Variants in AGFG1 observed in about 807,000 individuals in gnomAD.
The protein encoded by AGFG1 is arf-GAP domain and FG repeat-containing protein 1.
A neutral mutation model predicts 60.6 loss-of-function variants in AGFG1; 10 were observed. The ratio of observed to expected loss-of-function variants is 0.16; its 90% CI spans 0.10 to 0.28. The LOEUF is 0.28. Ranked by LOEUF, AGFG1 falls within the 10% of genes least tolerant of loss-of-function variation. The pLI, the probability that AGFG1 is intolerant of heterozygous loss-of-function variation, is 1.00. For missense variants in AGFG1, 537 were observed against 676.5 expected (o/e 0.79, Z 2.29); for synonymous variants, 247 against 242.9 (o/e 1.02, Z -0.16).
rs890176726 is a variant in AGFG1, at chr2:227,531,329, C to G, written c.814+119C>G. ...GTAATTATCTGACTTTAAAATGGTTCTATCTTCAAAAGCTCTGGGGAAACC... is the reference window on the plus strand; with the variant it reads ...GTAATTATCTGACTTTAAAATGGTTGTATCTTCAAAAGCTCTGGGGAAACC... On this transcript the variant is annotated intron_variant, in intron 6 of 12. Coordinates refer to ENST00000310078, the MANE Select transcript of AGFG1 (RefSeq NM_004504.5). 2.9e-5 allele frequency: 35 copies of G among 1,217,764 alleles called. No individual in the cohort carries two copies. The South Asian group carries it at 5.1e-4, about 18-fold the overall frequency. The allele number at this position is 1,217,764 out of a possible 1,614,324, so 75.4% of individuals were successfully genotyped here. A position where few individuals can be genotyped will look rare whatever the true frequency, so the allele number is the denominator to read the frequency against.
intron 2 of AGFG1, among the ~76,000 whole-genome samples, chr2:227,498,379 AAATT>A (rs929347977): frequency 3.3e-5 from 5 of 152,214 alleles, no homozygotes; most frequent in Admixed American, 1.3e-4. Flanking sequence ...TTAAACTACA[AAATT>A]AATTATTTGA....
At chr2:227,547,939 C>T (rs2106239747) in intron 10 of AGFG1, among the ~76,000 whole-genome samples, 1 of 152,316 alleles carries the variant, frequency 6.6e-6, no homozygotes, top group South Asian at 2.1e-4. Flanking sequence ...GTAGAAACAA[C>T]CCAAGTGCCC....
At chr2:227,541,560 G>A (rs1692492921) in intron 10 of AGFG1, among the ~76,000 whole-genome samples, 1 of 152,178 alleles carries the variant, frequency 6.6e-6, no homozygotes, top group Non-Finnish European at 1.5e-5. Flanking sequence ...CTATATATTT[G>A]TTTTGGTACC....
At chr2:227,549,783 ATTTG>A (rs1692767686) in intron 10 of AGFG1, among the ~76,000 whole-genome samples, 1 of 152,154 alleles carries the variant, frequency 6.6e-6, no homozygotes, top group Non-Finnish European at 1.5e-5. Context: ...GTTGATGCCT[ATTTG>A]TTTAAAAAAT....
chr2:227,536,854 T>C, intron 9 of AGFG1, 47 bp from the exon 10 acceptor site: 1 of 1,555,648 alleles, frequency 6.4e-7, no homozygotes, highest in Non-Finnish European at 8.8e-7. Flanking sequence ...AAATCTTAAA[T>C]ACAAAATGTA....
At chr2:227,541,130 C>T (rs2106231144) in intron 10 of AGFG1, among the ~76,000 whole-genome samples, 1 of 152,190 alleles carries the variant, frequency 6.6e-6, no homozygotes, top group Admixed American at 6.5e-5. Flanking sequence ...GAAATTTTCT[C>T]CCATTCTGTA....
intron 7 of AGFG1, among the ~76,000 whole-genome samples, chr2:227,534,047 C>G (rs1326208188): frequency 6.6e-6 from 1 of 151,932 alleles, no homozygotes; most frequent in Non-Finnish European, 1.5e-5. Context: ...TATAAAGAGC[C>G]AAGAAACCCC....
At chr2:227,474,921 A>G (rs6715882) in intron 1 of AGFG1, among the ~76,000 whole-genome samples, 99,302 of 152,016 alleles carry the variant, frequency 0.65, 32,388 homozygotes, top group South Asian at 0.75. Flanking sequence ...TTCCCTTGTA[A>G]GTTTTGGATG....
At chr2:227,545,785 C>T (rs1477334766) in intron 10 of AGFG1, among the ~76,000 whole-genome samples, 1 of 152,210 alleles carries the variant, frequency 6.6e-6, no homozygotes, top group Non-Finnish European at 1.5e-5. Context: ...CTGGGTATCA[C>T]CAGCGGAGGC....
rs1459920010 is a variant in AGFG1 at position 227,555,453 on chromosome 2, C to A, written c.*958C>A. 6.6e-6 allele frequency: 1 copy of A among 152,066 alleles called. No homozygotes were observed. Among genetic ancestry groups the A allele is most frequent in the African/African-American group, 2.4e-5 (1 of 41,138 alleles). 9.4% of individuals were successfully genotyped at this position (152,066 alleles called of 1,614,324 possible). ...CTTGAATTCTCAGACTGCAAAAGGC[C>A]TATTTTAACTATTGATTTTTTTTAA... On this transcript the variant is annotated 3_prime_UTR_variant, in exon 13 of 13. Transcript: ENST00000310078.
chr2:227,481,313 A>C (rs190176176), intron 1 of AGFG1, among the ~76,000 whole-genome samples: 3 of 152,108 alleles, frequency 2.0e-5, no homozygotes, highest in African/African-American at 7.2e-5. Context: ...AGTCTTCAGC[A>C]GTGTCTTGAG....
chr2:227,506,413 A>G (rs1010105655), intron 2 of AGFG1, among the ~76,000 whole-genome samples: 5 of 152,042 alleles, frequency 3.3e-5, no homozygotes, highest in Admixed American at 2.6e-4. Context: ...TTCTCTGGCC[A>G]TCTCTCTTCT....
At chr2:227,540,991 T>C (rs201058084) in intron 10 of AGFG1, among the ~76,000 whole-genome samples, 7,859 of 152,270 alleles carry the variant, frequency 0.052, 260 homozygotes, top group African/African-American at 0.1. Flanking sequence ...GCATAAATGT[T>C]GTCTTTTGAG....
At chr2:227,527,387 G>A (rs1437009115) in intron 5 of AGFG1, among the ~76,000 whole-genome samples, 1 of 152,086 alleles carries the variant, frequency 6.6e-6, no homozygotes, top group African/African-American at 2.4e-5. Context: ...ACTTATGTAT[G>A]TATGTTTGTA....
At chr2:227,501,372 G>A (rs1691149794) in intron 2 of AGFG1, among the ~76,000 whole-genome samples, 1 of 152,066 alleles carries the variant, frequency 6.6e-6, no homozygotes, top group African/African-American at 2.4e-5. Flanking sequence ...TGAGCCATTG[G>A]GCCTAACCCA....
In AGFG1 at chr2:227,559,794, T is replaced by C. The variant is rs1693084184; in HGVS notation, c.*5299T>C. On this transcript the variant is annotated 3_prime_UTR_variant, in exon 13 of 13. Transcript: ENST00000310078. ...CCAAGGAGCCTTCTAATTTTGACTA[T>C]ATGATCATTAACTAAAGGCAGCAAG... The C allele has an allele frequency of 6.6e-6, 1 of 152,202 alleles. No homozygotes were observed. The highest frequency in any genetic ancestry group is 2.1e-4 in the South Asian group (1 of 4,830). 9.4% of individuals were successfully genotyped at this position (152,202 alleles called of 1,614,324 possible).
At position 227,555,810 on chromosome 2, in the gene AGFG1, G is replaced by A. The variant is rs911691468; in HGVS notation, c.*1315G>A. ...GAACACAACTCAGAAACTTGGAATC[G>A]TTTTTTTTAAAAATGCCTCTGAGCA... On this transcript the variant is annotated 3_prime_UTR_variant, in exon 13 of 13. Coordinates refer to ENST00000310078, the MANE Select transcript of AGFG1 (RefSeq NM_004504.5). 4 of 151,890 alleles carry A rather than the reference G, an allele frequency of 2.6e-5. No individual in the cohort carries two copies. Among genetic ancestry groups the A allele is most frequent in the Admixed American group, 6.6e-5 (1 of 15,220 alleles). The allele number at this position is 151,890 out of a possible 1,614,324, so 9.4% of individuals were successfully genotyped here.
chr2:227,548,942 G>C (rs919684896), intron 10 of AGFG1, among the ~76,000 whole-genome samples: 1 of 148,996 alleles, frequency 6.7e-6, no homozygotes. Context: ...GTCTCAAAAA[G>C]AAAAAAAAGA....
intron 1 of AGFG1, among the ~76,000 whole-genome samples, chr2:227,472,978 A>T (rs1344065965): frequency 4.3e-5 from 3 of 69,878 alleles, no homozygotes; most frequent in Middle Eastern, 6.8e-3. Flanking sequence ...GGAAGACGCT[A>T]GGAGGCCGGG....
Sources: gnomAD v4.1 joint callset for allele counts (sites outside exome capture counted in the v4.1 genomes callset) on GRCh38, gnomAD v4.1.1 for gene constraint, MANE v1.5 for transcripts, NCBI Gene and HGNC (gene_info 2026-07-23, HGNC 2026-07-21) for gene names.